RNF138: variants seen among roughly 807,000 people sequenced by gnomAD.
The protein encoded by RNF138 is E3 ubiquitin-protein ligase RNF138.
Under a neutral mutation model 31.0 loss-of-function variants are expected in RNF138, and 12 were observed. The ratio of observed to expected loss-of-function variants is 0.39; its 90% CI spans 0.25 to 0.63. RNF138 has a LOEUF of 0.63. Ranked by LOEUF, RNF138 falls within the 20% of genes least tolerant of loss-of-function variation. RNF138 has a pLI of 0.52. For missense variants in RNF138, 192 were observed against 300.1 expected (o/e 0.64, Z 2.66); for synonymous variants, 105 against 99.5 (o/e 1.06, Z -0.33).
intron 2 of RNF138, among the ~76,000 whole-genome samples, chr18:32,094,012 C>T (rs1307878208): frequency 3.3e-5 from 5 of 152,040 alleles, no homozygotes; most frequent in African/African-American, 1.2e-4. Flanking sequence ...AGGATGGTCT[C>T]GATCTCCTGA....
chr18:32,119,707 A>G (rs1010139679), intron 4 of RNF138, among the ~76,000 whole-genome samples: 1 of 152,246 alleles, frequency 6.6e-6, no homozygotes, highest in Non-Finnish European at 1.5e-5. Flanking sequence ...TACAGGAGTG[A>G]GCCACTGCCC....
intron 2 of RNF138, among the ~76,000 whole-genome samples, chr18:32,105,366 C>G (rs1161990448): frequency 6.6e-6 from 1 of 152,178 alleles, no homozygotes; most frequent in Non-Finnish European, 1.5e-5. Context: ...GCTGGGATTA[C>G]AGGCATGAGC....
intron 2 of RNF138, among the ~76,000 whole-genome samples, chr18:32,107,815 C>T (rs2040060584): frequency 6.6e-6 from 1 of 151,736 alleles, no homozygotes. Context: ...CTGTGCCGGC[C>T]TTATTTAATT....
At chr18:32,123,602 T>A in intron 5 of RNF138, 28 bp downstream of exon 5, 1 of 1,432,196 alleles carries the variant, frequency 7.0e-7, no homozygotes. Flanking sequence ...CCTGCCACTT[T>A]AGCAAGTAAT....
intron 2 of RNF138, among the ~76,000 whole-genome samples, chr18:32,105,122 C>CCCTCTGT (rs2040007391): frequency 6.6e-6 from 1 of 152,070 alleles, no homozygotes; most frequent in East Asian, 1.9e-4. Flanking sequence ...GATGGAGTCT[C>CCCTCTGT]CCTCTGTCCC....
At chr18:32,128,004 C>T (rs184692695) in intron 7 of RNF138, among the ~76,000 whole-genome samples, 2 of 152,220 alleles carry the variant, frequency 1.3e-5, no homozygotes, top group Non-Finnish European at 2.9e-5. Flanking sequence ...GGGATGAACC[C>T]GGGAGGCAGA....
intron 2 of RNF138, among the ~76,000 whole-genome samples, chr18:32,099,167 A>C (rs755189771): frequency 3.0e-4 from 46 of 152,124 alleles, no homozygotes; most frequent in Non-Finnish European, 5.6e-4. Context: ...GTTATAGGGT[A>C]ATGCCCTGTT....
At chr18:32,123,317 T>C (rs1248027703) in intron 4 of RNF138, among the ~76,000 whole-genome samples, 1 of 152,198 alleles carries the variant, frequency 6.6e-6, no homozygotes, top group Admixed American at 6.5e-5. Context: ...AAGTAATTAA[T>C]ATTGTAATTA....
intron 2 of RNF138, among the ~76,000 whole-genome samples, chr18:32,101,646 C>T (rs76402810): frequency 0.011 from 1,630 of 152,166 alleles, 4 homozygotes; most frequent in Non-Finnish European, 0.017. Context: ...ATTATGTACG[C>T]AATAAGTGTT....
chr18:32,100,630 C>A (rs1022462341), intron 2 of RNF138, among the ~76,000 whole-genome samples: 1 of 152,148 alleles, frequency 6.6e-6, no homozygotes, highest in Non-Finnish European at 1.5e-5. Context: ...CATGCGCCAC[C>A]AGGCCTGGCT....
chr18:32,093,215 C>G (rs561816517), intron 2 of RNF138, among the ~76,000 whole-genome samples: 1 of 152,100 alleles, frequency 6.6e-6, no homozygotes, highest in African/African-American at 2.4e-5. Flanking sequence ...CCCCGGAGGC[C>G]CCTGTCGTCT....
chr18:32,102,709 T>A (rs934430827), intron 2 of RNF138, among the ~76,000 whole-genome samples: 19 of 151,948 alleles, frequency 1.3e-4, no homozygotes, highest in African/African-American at 4.6e-4. Context: ...CTCGGCTCAC[T>A]GAAACCTCCA....
chr18:32,097,194 TCTTC>T (rs1276542871), intron 2 of RNF138, among the ~76,000 whole-genome samples: 1 of 152,230 alleles, frequency 6.6e-6, no homozygotes, highest in Non-Finnish European at 1.5e-5. Context: ...AAACCTCTGT[TCTTC>T]CTTGTTTTGA....
intron 2 of RNF138, among the ~76,000 whole-genome samples, chr18:32,106,285 A>G (rs2040026812): frequency 1.3e-5 from 2 of 152,196 alleles, no homozygotes; most frequent in Middle Eastern, 3.2e-3. Context: ...GTGTGCGGGT[A>G]TGCAGAATGC....
Position 32,124,557 on chromosome 18 carries a change from T to A in RNF138, c.450-177T>A. The stretch of plus-strand genomic sequence containing the variant: ...CACTAAGAGTACTGTAAACTGAGAT[T>A]GGGAACCTCTGTAATGCATCATTTC... On this transcript the variant is annotated intron_variant, in intron 5 of 7. Transcript: ENST00000261593. 7.4e-6 allele frequency: 4 copies of A among 541,100 alleles called. No individual in the cohort carries two copies. In the South Asian group the frequency reaches 9.8e-5, roughly 13 times the overall value. The allele number at this position is 541,100 out of a possible 1,614,324, so 33.5% of individuals were successfully genotyped here.
Position 32,099,527 on chromosome 18 carries a change from C to T in RNF138, c.110+6641C>T, listed in dbSNP as rs566527444. On this transcript the variant is annotated intron_variant, in intron 2 of 7. Transcript: ENST00000261593. ...AAGAGATTCTCCTGCCCCAATCTCC[C>T]GTGTAGCTGGAACTACAGGCATGCA... Among the ~76,000 whole-genome samples, 12 of 152,264 alleles carry T rather than the reference C, an allele frequency of 7.9e-5. No individual in the cohort carries two copies. The South Asian group carries it at 1.7e-3, about 21-fold the overall frequency.
intron 4 of RNF138, 123 bp downstream of exon 4, chr18:32,113,983 TGAATTGCCAA>T: frequency 1.8e-6 from 1 of 547,004 alleles, no homozygotes; most frequent in Non-Finnish European, 3.2e-6. Flanking sequence ...GTTTTTAAAG[TGAATTGCCAA>T]GTATCAGAAC....
At chr18:32,094,870 T>G (rs2039777229) in intron 2 of RNF138, among the ~76,000 whole-genome samples, 1 of 152,182 alleles carries the variant, frequency 6.6e-6, no homozygotes, top group Non-Finnish European at 1.5e-5. Flanking sequence ...CATTGTAGTT[T>G]TTAGCACTCC....
intron 2 of RNF138, 151 bp from the exon 3 acceptor site, chr18:32,111,603 T>C (rs553702711): frequency 1.1e-5 from 7 of 635,270 alleles, no homozygotes; most frequent in African/African-American, 7.4e-5. Flanking sequence ...TAAATACATA[T>C]ACAGTTACTA....
Sources: allele counts gnomAD v4.1 joint callset (sites outside exome capture counted in the v4.1 genomes callset), GRCh38; gene constraint gnomAD v4.1.1; transcripts MANE v1.5; gene names NCBI Gene and HGNC (gene_info 2026-07-23, HGNC 2026-07-21).